Variants in DCUN1D4 observed in about 807,000 individuals in gnomAD.
DCUN1D4 encodes DCN1-like protein 4.
Under a neutral mutation model 47.9 loss-of-function variants are expected in DCUN1D4, and 22 were observed. That is an observed-to-expected ratio of 0.46 (90% confidence interval 0.33 to 0.66). DCUN1D4 has a LOEUF of 0.66. Ranked by LOEUF, DCUN1D4 falls within the 30% of genes least tolerant of loss-of-function variation. DCUN1D4 has a pLI of 0.02. For missense variants in DCUN1D4, 301 were observed against 340.8 expected (o/e 0.88, Z 0.92); for synonymous variants, 121 against 112.2 (o/e 1.08, Z -0.50).
chr4:51,843,069 C>G, upstream of DCUN1D4: 1 of 1,388,632 alleles, frequency 7.2e-7, no homozygotes, highest in Non-Finnish European at 9.3e-7. Flanking sequence ...AAATGAGAGA[C>G]GCAGCAGGGC....
Position 51,867,606 on chromosome 4 carries a change from C to T in DCUN1D4, c.136+3897C>T, listed in dbSNP as rs550005525. Among the ~76,000 whole-genome samples the T allele has an allele frequency of 3.9e-5, 6 of 152,288 alleles. No individual in the cohort carries two copies. In the East Asian group the frequency reaches 9.7e-4, roughly 25 times the overall value. ...TGGAGAGGAGACCTGGAGTGAGTAG[C>T]TCCTATCTGCAGGCAGGTTGTCCTG... On this transcript the variant is annotated intron_variant, in intron 3 of 10. Transcript: ENST00000334635.
At chr4:51,907,375 A>G (rs190331204) in intron 8 of DCUN1D4, among the ~76,000 whole-genome samples, 68 of 152,330 alleles carry the variant, frequency 4.5e-4, no homozygotes, top group Non-Finnish European at 9.7e-4. Flanking sequence ...CTGAGCCACA[A>G]TATTTCAGAT....
chr4:51,838,922 A>G (rs1721562854), upstream of DCUN1D4, among the ~76,000 whole-genome samples: 1 of 152,088 alleles, frequency 6.6e-6, no homozygotes, highest in Non-Finnish European at 1.5e-5. Flanking sequence ...TAAAAACACA[A>G]CAATTAGTCG....
At chr4:51,901,778 A>T (rs946278771) in intron 8 of DCUN1D4, among the ~76,000 whole-genome samples, 3 of 152,178 alleles carry the variant, frequency 2.0e-5, no homozygotes, top group African/African-American at 7.2e-5. Context: ...CTTTCTTTGT[A>T]CATCCTTTGT....
chr4:51,913,448 T>A (rs1425098994), intron 10 of DCUN1D4, 56 bp downstream of exon 10: 3 of 1,578,644 alleles, frequency 1.9e-6, no homozygotes, highest in East Asian at 2.3e-5. Flanking sequence ...TCATCCTCAT[T>A]GGGAAAAGCC....
chr4:51,843,654 G>GA (rs1479064763), intron 1 of DCUN1D4: 22 of 1,244,266 alleles, frequency 1.8e-5, no homozygotes, highest in Non-Finnish European at 3.0e-6. Context: ...CACCGGCGGG[G>GA]AGAGGGAGGG....
intron 9 of DCUN1D4, 141 bp from the exon 10 acceptor site, chr4:51,913,149 C>T: frequency 1.9e-6 from 1 of 520,138 alleles, no homozygotes; most frequent in Non-Finnish European, 3.4e-6. Context: ...TCACCATCCT[C>T]CTAGATTGGT....
chr4:51,886,867 T>G (rs1264882335), intron 6 of DCUN1D4: 9 of 502,762 alleles, frequency 1.8e-5, no homozygotes, highest in Non-Finnish European at 3.6e-6. Context: ...TTCTTGTATG[T>G]AAAAGGTACA....
At chr4:51,863,645 G>T in intron 2 of DCUN1D4, 25 bp from the exon 3 acceptor site, 1 of 1,610,788 alleles carries the variant, frequency 6.2e-7, no homozygotes, top group Non-Finnish European at 8.5e-7. Flanking sequence ...TGATTTCTTC[G>T]TAATAACGAA....
intron 6 of DCUN1D4, among the ~76,000 whole-genome samples, chr4:51,888,543 C>A (rs544079226): frequency 6.6e-6 from 1 of 150,758 alleles, no homozygotes; most frequent in Non-Finnish European, 1.5e-5. Flanking sequence ...CAGTTCGAGA[C>A]CAGCCTGGCC....
chr4:51,841,873 T>C (rs965199204), upstream of DCUN1D4, among the ~76,000 whole-genome samples: 21 of 151,862 alleles, frequency 1.4e-4, no homozygotes, highest in African/African-American at 5.1e-4. Context: ...TGGTGTCACC[T>C]ACTCTTTGAG....
At chr4:51,904,740 G>T (rs1732616548) in intron 8 of DCUN1D4, among the ~76,000 whole-genome samples, 1 of 152,104 alleles carries the variant, frequency 6.6e-6, no homozygotes, top group Non-Finnish European at 1.5e-5. Flanking sequence ...TAAGTGGAAA[G>T]GGAAATCTTA....
intron 1 of DCUN1D4, among the ~76,000 whole-genome samples, chr4:51,860,354 G>A (rs764803665): frequency 5.9e-5 from 9 of 152,082 alleles, no homozygotes; most frequent in Non-Finnish European, 1.3e-4. Flanking sequence ...AACTTCATAC[G>A]TGGAACCTGA....
At chr4:51,866,963 C>G (rs1726038175) in intron 3 of DCUN1D4, among the ~76,000 whole-genome samples, 1 of 152,226 alleles carries the variant, frequency 6.6e-6, no homozygotes, top group South Asian at 2.1e-4. Flanking sequence ...TCAGTTCTCA[C>G]TACTGGCCTG....
rs372567576 is a variant in DCUN1D4 at position 51,887,992 on chromosome 4, A to G, written c.414+1354A>G. On this transcript the variant is annotated intron_variant, in intron 6 of 10. Coordinates refer to ENST00000334635, the MANE Select transcript of DCUN1D4 (RefSeq NM_001040402.3). ...TGAAGGTTTGGGGACACCTGGGTCAATAGTATTTTGCCACAGACTGGGCCG... is the reference window on the plus strand; with the variant it reads ...TGAAGGTTTGGGGACACCTGGGTCAGTAGTATTTTGCCACAGACTGGGCCG... 2.0e-3 allele frequency among the ~76,000 whole-genome samples: 305 copies of G among 151,838 alleles called. 2 individuals carry two copies. The highest frequency in any genetic ancestry group is 6.7e-3 in the African/African-American group (279 of 41,358).
chr4:51,912,573 G>A (rs1421288130), intron 9 of DCUN1D4, among the ~76,000 whole-genome samples: 1 of 152,034 alleles, frequency 6.6e-6, no homozygotes, highest in Non-Finnish European at 1.5e-5. Flanking sequence ...AAAATCATTG[G>A]TTCTGGATTT....
intron 1 of DCUN1D4, among the ~76,000 whole-genome samples, chr4:51,850,467 T>G (rs959764079): frequency 6.6e-6 from 1 of 152,156 alleles, no homozygotes; most frequent in Non-Finnish European, 1.5e-5. Context: ...TTCAAATCCT[T>G]GCTCTGTCAT....
rs747958977 is a variant in DCUN1D4, at chr4:51,886,556, T to C, written c.344-12T>C. 10 of 1,612,848 alleles carry C rather than the reference T, an allele frequency of 6.2e-6. No homozygotes were observed. Among genetic ancestry groups the C allele is most frequent in the South Asian group, 1.1e-5 (1 of 90,970 alleles). On this transcript the variant is annotated splice_polypyrimidine_tract_variant and intron_variant, in intron 5 of 10. Coordinates refer to ENST00000334635, the MANE Select transcript of DCUN1D4 (RefSeq NM_001040402.3). ...TGGTCAGATTTAATTTACATAAGAC[T>C]GTATTTCACAGGAACTGATGATGTT... is the stretch of plus-strand genomic sequence containing the variant.
rs900708833 is a variant in DCUN1D4, at chr4:51,845,227, A to G, written c.25+1960A>G. The G allele has an allele frequency of 4.1e-6, 4 of 985,460 alleles. No individual in the cohort carries two copies. The African/African-American group carries it at 5.2e-5, about 13-fold the overall frequency. The allele number at this position is 985,460 out of a possible 1,614,324, so 61.0% of individuals were successfully genotyped here. A position where few individuals can be genotyped will look rare whatever the true frequency, so the allele number is the denominator to read the frequency against. Reference sequence around the variant, plus strand: ...GGTTCCAGCATTCCCTTGCATAAATATGAGAACACAGTGGAGGTACACGTA... The same window carrying G: ...GGTTCCAGCATTCCCTTGCATAAATGTGAGAACACAGTGGAGGTACACGTA... On this transcript the variant is annotated intron_variant, in intron 1 of 10. Coordinates refer to ENST00000334635, the MANE Select transcript of DCUN1D4 (RefSeq NM_001040402.3).
Sources: allele counts gnomAD v4.1 joint callset (sites outside exome capture counted in the v4.1 genomes callset), GRCh38; gene constraint gnomAD v4.1.1; transcripts MANE v1.5; gene names NCBI Gene and HGNC (gene_info 2026-07-23, HGNC 2026-07-21).